Variants in LRBA observed in about 807,000 individuals in gnomAD.
LRBA encodes the protein lipopolysaccharide-responsive and beige-like anchor protein.
A neutral mutation model predicts 330.0 loss-of-function variants in LRBA; 176 were observed. The ratio of observed to expected loss-of-function variants is 0.53; its 90% CI spans 0.47 to 0.60. The LOEUF is 0.60. Among genes scored for constraint, LRBA ranks in the 20% least tolerant of loss-of-function variants. The pLI is 0.00. For synonymous variants in LRBA, 1,230 were observed against 1,193.0 expected (o/e 1.03, Z -0.64); for missense variants, 3,259 against 3,444.8 (o/e 0.95, Z 1.35).
chr4:150,386,916 C>T (rs530766723), intron 47 of LRBA, among the ~76,000 whole-genome samples: 4 of 152,274 alleles, frequency 2.6e-5, no homozygotes, highest in East Asian at 1.9e-4. Flanking sequence ...TACACAACCT[C>T]GCCAGCATCT....
At chr4:150,385,619 T>C (rs1219184314) in intron 47 of LRBA, among the ~76,000 whole-genome samples, 1 of 152,094 alleles carries the variant, frequency 6.6e-6, no homozygotes, top group African/African-American at 2.4e-5. Flanking sequence ...AGGGGGCAAA[T>C]TGGCTTAGTC....
At chr4:150,692,879 T>C (rs551849719) in intron 36 of LRBA, among the ~76,000 whole-genome samples, 4 of 152,164 alleles carry the variant, frequency 2.6e-5, no homozygotes, top group Non-Finnish European at 5.9e-5. Flanking sequence ...AGTGTGACAA[T>C]ATCTATTAAA....
At chr4:150,926,012 T>A (rs549902691) in intron 4 of LRBA, among the ~76,000 whole-genome samples, 280 of 152,136 alleles carry the variant, frequency 1.8e-3, no homozygotes, top group African/African-American at 6.3e-3. Context: ...AATTTCCATA[T>A]CATTGCACAG....
rs370562774 is a variant in LRBA at position 150,639,697 on chromosome 4, A to C, written c.5922-40566T>G. On this transcript the variant is annotated intron_variant, in intron 37 of 56. Coordinates refer to ENST00000651943, the MANE Select transcript of LRBA (RefSeq NM_001364905.1). Reference sequence around the variant, plus strand: ...TAGAATGTTCTACTGTATATCAGTGAAAGTGACAAACTAGAAGATAATCTG... The same window carrying C: ...TAGAATGTTCTACTGTATATCAGTGCAAGTGACAAACTAGAAGATAATCTG... Among the ~76,000 whole-genome samples the C allele has an allele frequency of 3.1e-3, 423 of 136,290 alleles. 27 individuals carry two copies. In the South Asian group the frequency reaches 0.11, roughly 35 times the overall value. 89.4% of individuals were successfully genotyped at this position (136,290 alleles called of 152,430 possible).
At chr4:150,302,253 AATT>A (rs76519111) in intron 53 of LRBA, among the ~76,000 whole-genome samples, 26,410 of 152,080 alleles carry the variant, frequency 0.17, 2,740 homozygotes, top group East Asian at 0.26. Flanking sequence ...GTTTCTATGA[AATT>A]ATTATTTTTA....
chr4:150,558,657 G>A (rs936146546), intron 40 of LRBA, among the ~76,000 whole-genome samples: 1 of 152,116 alleles, frequency 6.6e-6, no homozygotes, highest in Non-Finnish European at 1.5e-5. Context: ...ACTAAGACCT[G>A]GGCATTGAGT....
Position 150,850,780 on chromosome 4 carries a change from T to C in LRBA, c.3948A>G (p.Gln1316=), listed in dbSNP as rs35154927. The change falls in exon 24 of 57, where the codon CAA becomes CAG. Residue 1316 remains glutamine, a synonymous_variant. Coordinates refer to ENST00000651943, the MANE Select transcript of LRBA (RefSeq NM_001364905.1). The stretch of plus-strand genomic sequence containing the variant: ...AAAATAATAGATCAGTGAGCAAACG[T>C]TGATGCATCTGAGACCAGTTGAACT... The part of the protein sequence containing the change: ...IPEFNWSQMH[Q]RLLTDLLFSI... The C allele has an allele frequency of 1.7e-3, 2,787 of 1,613,704 alleles. 6 individuals are homozygous for C. The highest frequency in any genetic ancestry group is 2.2e-3 in the Non-Finnish European group (2,537 of 1,179,642).
chr4:150,712,916 GA>G (rs1786374360), intron 36 of LRBA, among the ~76,000 whole-genome samples: 1 of 151,984 alleles, frequency 6.6e-6, no homozygotes, highest in Non-Finnish European at 1.5e-5. Context: ...AAGCCACAAA[GA>G]AAACCAGTTT....
At chr4:150,727,064 G>GTTTT (rs1729782057) in intron 36 of LRBA, among the ~76,000 whole-genome samples, 1 of 83,152 alleles carries the variant, frequency 1.2e-5, no homozygotes, top group African/African-American at 3.4e-5. Context: ...AGAACATTTC[G>GTTTT]TTGTTTTTTT....
chr4:150,471,808 C>CTTAT (rs1048414581), intron 42 of LRBA, 69 bp from the exon 43 acceptor site: 7 of 781,096 alleles, frequency 9.0e-6, no homozygotes, highest in East Asian at 2.5e-5. Flanking sequence ...ATTATCTGTG[C>CTTAT]TTATTCATTC....
chr4:150,697,744 T>C (rs944090475), intron 36 of LRBA, among the ~76,000 whole-genome samples: 5 of 152,164 alleles, frequency 3.3e-5, no homozygotes, highest in Admixed American at 2.6e-4. Flanking sequence ...ACACAGACCA[T>C]TTCAAAACAA....
chr4:150,954,635 CG>C (rs1442228078), intron 2 of LRBA, among the ~76,000 whole-genome samples: 1 of 150,222 alleles, frequency 6.7e-6, no homozygotes, highest in Non-Finnish European at 1.5e-5. Context: ...CTGCAGAAGG[CG>C]GCAGGGCCCT....
chr4:150,867,643 T>C lies in LRBA; in HGVS notation c.2766+28A>G, dbSNP rs771210138. 2.6e-6 allele frequency: 4 copies of C among 1,554,836 alleles called. No individual in the cohort carries two copies. The Admixed American group carries it at 8.0e-5, about 31-fold the overall frequency. ...CAAAAATTATAGATATTTAAAATGCTACAATACGCTTTCATAAAGAAACTT... is the reference window on the plus strand; with the variant it reads ...CAAAAATTATAGATATTTAAAATGCCACAATACGCTTTCATAAAGAAACTT... On this transcript the variant is annotated intron_variant, in intron 22 of 56. Coordinates refer to ENST00000651943, the MANE Select transcript of LRBA (RefSeq NM_001364905.1).
At chr4:150,431,134 G>C (rs1049995668) in intron 46 of LRBA, among the ~76,000 whole-genome samples, 5 of 152,114 alleles carry the variant, frequency 3.3e-5, no homozygotes, top group Non-Finnish European at 7.4e-5. Context: ...CAAGGTTCAG[G>C]CTGAAGAAAG....
intron 35 of LRBA, among the ~76,000 whole-genome samples, chr4:150,753,526 T>C (rs1178579533): frequency 2.0e-5 from 3 of 152,202 alleles, no homozygotes; most frequent in Admixed American, 6.5e-5. Flanking sequence ...GTAGTTTTTT[T>C]AAAATGTGTA....
chr4:150,301,642 G>A (rs1173289597), intron 53 of LRBA, among the ~76,000 whole-genome samples: 2 of 152,030 alleles, frequency 1.3e-5, no homozygotes, highest in Non-Finnish European at 2.9e-5. Context: ...TTTAAGAACA[G>A]CTTTGAGAAG....
At chr4:150,657,259 T>A (rs1177636848) in intron 37 of LRBA, among the ~76,000 whole-genome samples, 3 of 152,112 alleles carry the variant, frequency 2.0e-5, no homozygotes, top group Non-Finnish European at 2.9e-5. Flanking sequence ...GTGTATTTTT[T>A]AAAAAAACAA....
chr4:150,418,119 T>A (rs953172167), intron 46 of LRBA, among the ~76,000 whole-genome samples: 1 of 151,660 alleles, frequency 6.6e-6, no homozygotes, highest in Non-Finnish European at 1.5e-5. Flanking sequence ...CAAACTTTAA[T>A]CGATCTTTCC....
intron 35 of LRBA, among the ~76,000 whole-genome samples, chr4:150,742,006 A>G (rs1023465375): frequency 4.6e-5 from 7 of 152,064 alleles, no homozygotes; most frequent in African/African-American, 1.4e-4. Context: ...ACTTATAAAC[A>G]TATCAACAGA....
Sources: allele counts gnomAD v4.1 joint callset (sites outside exome capture counted in the v4.1 genomes callset), GRCh38; gene constraint gnomAD v4.1.1; transcripts MANE v1.5; gene names NCBI Gene and HGNC (gene_info 2026-07-23, HGNC 2026-07-21).